Variants in HIVEP3 observed in about 807,000 individuals in gnomAD.
The protein encoded by HIVEP3 is transcription factor HIVEP3.
A neutral mutation model predicts 152.8 loss-of-function variants in HIVEP3; 49 were observed. The ratio of observed to expected loss-of-function variants is 0.32; its 90% CI spans 0.26 to 0.41. The LOEUF is 0.41. Ranked by LOEUF, HIVEP3 falls within the 10% of genes least tolerant of loss-of-function variation. The pLI is 1.00. For missense variants in HIVEP3, 2,790 were observed against 3,103.3 expected (o/e 0.90, Z 2.40); for synonymous variants, 1,269 against 1,289.0 (o/e 0.98, Z 0.33).
At chr1:41,600,045 C>T in intron 3 of HIVEP3, among the ~76,000 whole-genome samples, 1 of 151,664 alleles carries the variant, frequency 6.6e-6, no homozygotes, top group Non-Finnish European at 1.5e-5. Context: ...AAAATGGCTA[C>T]AACAAAAAAA....
intron 2 of HIVEP3, among the ~76,000 whole-genome samples, chr1:41,694,866 A>G (rs1250996558): frequency 2.0e-5 from 3 of 152,124 alleles, no homozygotes; most frequent in East Asian, 1.9e-4. Context: ...GAGAGATGTA[A>G]CCCTACCTAG....
At chr1:41,538,432 A>G (rs1326578811) in intron 5 of HIVEP3, among the ~76,000 whole-genome samples, 1 of 152,170 alleles carries the variant, frequency 6.6e-6, no homozygotes, top group Non-Finnish European at 1.5e-5. Flanking sequence ...CTGATGAGGC[A>G]AGCTCTTGTC....
chr1:41,684,517 A>C (rs1478286014), intron 2 of HIVEP3, among the ~76,000 whole-genome samples: 1 of 152,230 alleles, frequency 6.6e-6, no homozygotes, highest in Non-Finnish European at 1.5e-5. Flanking sequence ...GAACCTGTGC[A>C]GGCCGAAGGT....
chr1:41,562,643 C>CTCTTTCTT lies in HIVEP3; in HGVS notation c.5207+12893_5207+12900dup, dbSNP rs58319899. On this transcript the variant is annotated intron_variant, in intron 5 of 8. Coordinates refer to ENST00000372583, the MANE Select transcript of HIVEP3 (RefSeq NM_024503.5). ...TCTCTCTCTCTCTCTCCCTCTCTCTCTCTTTCTTTCTTTCTTTCTTTTCTT... is the reference window on the plus strand; with the variant it reads ...TCTCTCTCTCTCTCTCCCTCTCTCTCTCTTTCTTTCTTTCTTTCTTTCTTTCTTTTCTT... Among the ~76,000 whole-genome samples the CTCTTTCTT allele has an allele frequency of 5.8e-3, 688 of 119,450 alleles. 7 individuals are homozygous for CTCTTTCTT. Among genetic ancestry groups the CTCTTTCTT allele is most frequent in the African/African-American group, 0.02 (623 of 30,864 alleles). The allele number at this position is 119,450 out of a possible 152,430, so 78.4% of individuals were successfully genotyped here. A position where few individuals can be genotyped will look rare whatever the true frequency, so the allele number is the denominator to read the frequency against.
chr1:42,024,694 C>G (rs1645572661), intron 1 of HIVEP3, among the ~76,000 whole-genome samples: 1 of 152,190 alleles, frequency 6.6e-6, no homozygotes, highest in South Asian at 2.1e-4. Flanking sequence ...TTTATAAAAT[C>G]CTTAATTCCT....
intron 1 of HIVEP3, among the ~76,000 whole-genome samples, chr1:41,724,713 TC>T (rs1002330978): frequency 6.6e-6 from 1 of 152,116 alleles, no homozygotes; most frequent in African/African-American, 2.4e-5. Flanking sequence ...TGTGAGCCCC[TC>T]CCCAGCCATC....
At chr1:41,877,254 G>A (rs1644185450) in intron 1 of HIVEP3, among the ~76,000 whole-genome samples, 1 of 152,130 alleles carries the variant, frequency 6.6e-6, no homozygotes, top group African/African-American at 2.4e-5. Flanking sequence ...TCTGCAGGGG[G>A]AATTCCTTTC....
intron 5 of HIVEP3, among the ~76,000 whole-genome samples, chr1:41,527,044 CCT>C (rs140115500): frequency 0.27 from 17,595 of 64,126 alleles, 4,482 homozygotes; most frequent in Non-Finnish European, 0.34. Flanking sequence ...CCTCACACAC[CCT>C]CTTCCTCACA....
At chr1:41,894,470 C>T (rs536281818) in intron 1 of HIVEP3, among the ~76,000 whole-genome samples, 1 of 152,192 alleles carries the variant, frequency 6.6e-6, no homozygotes, top group African/African-American at 2.4e-5. Flanking sequence ...GGCTTCTCAA[C>T]CTTCATTCCA....
intron 1 of HIVEP3, among the ~76,000 whole-genome samples, chr1:41,768,006 C>T (rs1011131444): frequency 6.6e-6 from 1 of 152,214 alleles, no homozygotes; most frequent in Non-Finnish European, 1.5e-5. Context: ...AGACATCATT[C>T]ATTGTCATTT....
chr1:41,626,034 T>C (rs1645112331), intron 3 of HIVEP3, among the ~76,000 whole-genome samples: 1 of 152,252 alleles, frequency 6.6e-6, no homozygotes, highest in South Asian at 2.1e-4. Flanking sequence ...ATCTGTCCTC[T>C]AGCTTCTCAT....
chr1:41,777,644 C>A (rs1205273406), intron 1 of HIVEP3, among the ~76,000 whole-genome samples: 8 of 152,232 alleles, frequency 5.3e-5, no homozygotes. Flanking sequence ...GAGGAAAGAG[C>A]TTTGGGTTAA....
At chr1:41,573,754 A>G in intron 5 of HIVEP3, among the ~76,000 whole-genome samples, 1 of 152,130 alleles carries the variant, frequency 6.6e-6, no homozygotes, top group East Asian at 1.9e-4. Context: ...AAAGAAACTG[A>G]GGGCGGGAGA....
intron 1 of HIVEP3, among the ~76,000 whole-genome samples, chr1:41,807,925 G>C (rs1438789067): frequency 6.6e-6 from 1 of 152,130 alleles, no homozygotes; most frequent in East Asian, 1.9e-4. Flanking sequence ...AGCCAAGGAG[G>C]AGGCTGTGAA....
At chr1:41,984,942 T>C (rs1645313425) in intron 1 of HIVEP3, among the ~76,000 whole-genome samples, 2 of 151,726 alleles carry the variant, frequency 1.3e-5, no homozygotes, top group East Asian at 1.9e-4. Context: ...ACAGGTGCTA[T>C]GTAAGAAATA....
chr1:41,633,348 G>A (rs1207733634), intron 2 of HIVEP3, among the ~76,000 whole-genome samples: 2 of 152,156 alleles, frequency 1.3e-5, no homozygotes, highest in Non-Finnish European at 1.5e-5. Context: ...CACCCAGCCG[G>A]GCAGTGAGGG....
intron 1 of HIVEP3, among the ~76,000 whole-genome samples, chr1:41,800,256 G>A (rs1380397870): frequency 6.6e-6 from 1 of 152,166 alleles, no homozygotes; most frequent in Non-Finnish European, 1.5e-5. Context: ...CCTGAATCTG[G>A]CTGGGCTTGA....
intron 1 of HIVEP3, among the ~76,000 whole-genome samples, chr1:41,813,691 A>G (rs1377030103): frequency 5.3e-5 from 8 of 152,214 alleles, no homozygotes; most frequent in Non-Finnish European, 5.9e-5. Flanking sequence ...CTGATGCCCA[A>G]TATGTAACCA....
chr1:41,692,634 T>G (rs549099201), intron 2 of HIVEP3, among the ~76,000 whole-genome samples: 1 of 152,362 alleles, frequency 6.6e-6, no homozygotes, highest in African/African-American at 2.4e-5. Context: ...GTGAGGACTT[T>G]ATAGAACATA....
Sources: allele counts gnomAD v4.1 joint callset (sites outside exome capture counted in the v4.1 genomes callset), GRCh38; gene constraint gnomAD v4.1.1; transcripts MANE v1.5; gene names NCBI Gene and HGNC (gene_info 2026-07-23, HGNC 2026-07-21).